The following TMEM132B variants were observed in gnomAD, a reference collection of about 807,000 sequenced individuals.
TMEM132B encodes transmembrane protein 132B.
In TMEM132B, 18 loss-of-function variants were observed where a neutral mutation model predicts 90.8. The observed-to-expected ratio is 0.20, with a 90% confidence interval of 0.14 to 0.29. The LOEUF (loss-of-function observed/expected upper bound fraction) is 0.29. Among genes scored for constraint, TMEM132B ranks in the 10% least tolerant of loss-of-function variants. TMEM132B has a pLI of 1.00. For synonymous variants in TMEM132B, 504 were observed against 523.3 expected, an observed-to-expected ratio of 0.96 and a Z score of 0.50; for missense variants, 1,096 against 1,326.8, an observed-to-expected ratio of 0.83 and a Z score of 2.70.
Position 125,327,144 on chromosome 12 carries a change from C to T in TMEM132B, c.68-22308C>T, listed in dbSNP as rs188409896. Among the ~76,000 whole-genome samples, 63 of 152,244 alleles carry T rather than the reference C, an allele frequency of 4.1e-4. No homozygotes were observed. In the East Asian group the frequency reaches 5.4e-3, roughly 13 times the overall value. The stretch of plus-strand genomic sequence containing the variant: ...CCACTCTGCATGTTTCTCTTTGGGC[C>T]ACTTTTCCCAATGGCTTCTGTCACC... On this transcript the variant is annotated intron_variant, in intron 1 of 8. Coordinates refer to ENST00000682704, the MANE Select transcript of TMEM132B (RefSeq NM_001366854.1).
intron 3 of TMEM132B, among the ~76,000 whole-genome samples, chr12:125,507,390 TAAATA>T (rs1882873792): frequency 6.6e-6 from 1 of 152,002 alleles, no homozygotes; most frequent in African/African-American, 2.4e-5. Flanking sequence ...AGAAAGGTAA[TAAATA>T]AAATAGAGTA....
At chr12:125,606,044 T>C (rs1475395943) in intron 5 of TMEM132B, among the ~76,000 whole-genome samples, 1 of 152,120 alleles carries the variant, frequency 6.6e-6, no homozygotes, top group Non-Finnish European at 1.5e-5. Context: ...TATGAAAAGC[T>C]GAAGGGAACA....
At chr12:125,575,154 A>G (rs1884913460) in intron 4 of TMEM132B, among the ~76,000 whole-genome samples, 1 of 143,050 alleles carries the variant, frequency 7.0e-6, no homozygotes, top group Non-Finnish European at 1.5e-5. Flanking sequence ...AAACTTTTCC[A>G]CAGCAGTCAC....
chr12:125,538,331 G>A (rs1175319037), intron 4 of TMEM132B, among the ~76,000 whole-genome samples: 1 of 152,170 alleles, frequency 6.6e-6, no homozygotes, highest in Non-Finnish European at 1.5e-5. Context: ...AAGAATTAGG[G>A]TCAGGGTTAG....
At chr12:125,651,019 T>G in intron 7 of TMEM132B, 66 bp downstream of exon 7, 2 of 1,577,148 alleles carry the variant, frequency 1.3e-6, no homozygotes, top group Non-Finnish European at 8.6e-7. Flanking sequence ...GATGCTGTTG[T>G]GCAGATGTGT....
At chr12:125,599,662 G>C (rs868842708) in intron 5 of TMEM132B, among the ~76,000 whole-genome samples, 15 of 152,220 alleles carry the variant, frequency 9.9e-5, no homozygotes, top group Middle Eastern at 3.4e-3. Context: ...AATGAAGCAA[G>C]ATCCCTTCTG....
chr12:125,633,527 A>G (rs531297385), intron 5 of TMEM132B, among the ~76,000 whole-genome samples: 1 of 152,316 alleles, frequency 6.6e-6, no homozygotes, highest in South Asian at 2.1e-4. Flanking sequence ...GGTATTTATT[A>G]TAGTCTTTAC....
chr12:125,641,995 ATC>A (rs1886642834), intron 5 of TMEM132B, among the ~76,000 whole-genome samples: 1 of 152,092 alleles, frequency 6.6e-6, no homozygotes, highest in Non-Finnish European at 1.5e-5. Context: ...GGGGGCCTCA[ATC>A]TCTTTTTTTC....
intron 4 of TMEM132B, among the ~76,000 whole-genome samples, chr12:125,544,868 A>C (rs1884049699): frequency 6.6e-6 from 1 of 152,204 alleles, no homozygotes; most frequent in African/African-American, 2.4e-5. Flanking sequence ...GTGAATGTGA[A>C]ATAATATAGT....
chr12:125,232,756 A>G (rs529937809), intron 1 of TMEM132B, among the ~76,000 whole-genome samples: 2 of 152,336 alleles, frequency 1.3e-5, no homozygotes, highest in African/African-American at 4.8e-5. Flanking sequence ...TGTTTGGGCA[A>G]TTAATTAATT....
At chr12:125,575,261 G>A (rs1478058530) in intron 4 of TMEM132B, among the ~76,000 whole-genome samples, 1 of 150,620 alleles carries the variant, frequency 6.6e-6, no homozygotes, top group Non-Finnish European at 1.5e-5. Flanking sequence ...ATTTAAAGTT[G>A]TCCTAGTCAG....
chr12:125,540,561 A>G (rs1334914783), intron 4 of TMEM132B, among the ~76,000 whole-genome samples: 1 of 152,216 alleles, frequency 6.6e-6, no homozygotes, highest in African/African-American at 2.4e-5. Flanking sequence ...CTATGAGACT[A>G]ACTTCTTTGT....
At chr12:125,281,642 T>C (rs1317167651) in intron 1 of TMEM132B, among the ~76,000 whole-genome samples, 1 of 152,038 alleles carries the variant, frequency 6.6e-6, no homozygotes, top group Non-Finnish European at 1.5e-5. Context: ...GTCCCTCTAC[T>C]CCCCTCCCTT....
At chr12:125,379,828 G>T (rs756668145) in intron 2 of TMEM132B, among the ~76,000 whole-genome samples, 1 of 152,318 alleles carries the variant, frequency 6.6e-6, no homozygotes, top group Non-Finnish European at 1.5e-5. Context: ...CATCATGAAT[G>T]AAGCAAGGAC....
rs150049755 is a variant in TMEM132B at position 125,199,386 on chromosome 12, A to T, written c.67+12520A>T. ...ATGCTGATATTTAAGTTGTGAGTCCAGCTCTTAGGGTTCCTGGGTCCCTGT... is the reference window on the plus strand; with the variant it reads ...ATGCTGATATTTAAGTTGTGAGTCCTGCTCTTAGGGTTCCTGGGTCCCTGT... On this transcript the variant is annotated intron_variant, in intron 1 of 8. Coordinates refer to ENST00000682704, the MANE Select transcript of TMEM132B (RefSeq NM_001366854.1). Among the ~76,000 whole-genome samples the T allele has an allele frequency of 8.0e-4, 122 of 152,308 alleles. 1 individual carries two copies. Among genetic ancestry groups the T allele is most frequent in the Admixed American group, 2.7e-3 (41 of 15,296 alleles).
chr12:125,327,236 C>A (rs1484548810), intron 1 of TMEM132B, among the ~76,000 whole-genome samples: 1 of 152,158 alleles, frequency 6.6e-6, no homozygotes, highest in Non-Finnish European at 1.5e-5. Context: ...CCAGCATCAG[C>A]ATCTAACTCA....
At chr12:125,623,604 CCTT>C (rs768842686) in intron 5 of TMEM132B, among the ~76,000 whole-genome samples, 4 of 152,048 alleles carry the variant, frequency 2.6e-5, no homozygotes, top group Non-Finnish European at 5.9e-5. Flanking sequence ...GGTATCAGTC[CCTT>C]CTTGTAGTTG....
chr12:125,397,420 C>A (rs1338162504), intron 2 of TMEM132B, among the ~76,000 whole-genome samples: 1 of 152,204 alleles, frequency 6.6e-6, no homozygotes, highest in African/African-American at 2.4e-5. Context: ...ACTCAATCTT[C>A]TTTCCAAATC....
intron 3 of TMEM132B, among the ~76,000 whole-genome samples, chr12:125,429,312 G>T (rs147678882): frequency 2.0e-5 from 3 of 151,468 alleles, no homozygotes; most frequent in East Asian, 3.9e-4. Context: ...CAATCCTCCT[G>T]CCTCAGCTTC....
Sources: allele counts gnomAD v4.1 joint callset (sites outside exome capture counted in the v4.1 genomes callset), GRCh38; gene constraint gnomAD v4.1.1; transcripts MANE v1.5; gene names NCBI Gene and HGNC (gene_info 2026-07-23, HGNC 2026-07-21).